Variants in RASEF observed in about 807,000 individuals in gnomAD.
RASEF encodes the protein ras and EF-hand domain-containing protein.
Under a neutral mutation model 90.1 loss-of-function variants are expected in RASEF, and 68 were observed. The ratio of observed to expected loss-of-function variants is 0.75; its 90% CI spans 0.62 to 0.92. The LOEUF (loss-of-function observed/expected upper bound fraction) is 0.92, where lower values mean the gene tolerates loss of function less well. Ranked by LOEUF, RASEF falls within the 40% of genes least tolerant of loss-of-function variation. RASEF has a pLI of 0.00. For synonymous variants in RASEF, 331 were observed against 345.2 expected (o/e 0.96, Z 0.46); for missense variants, 949 against 937.2 (o/e 1.01, Z -0.16).
the RASEF span, among the ~76,000 whole-genome samples, chr9:83,126,658 C>T: frequency 3.9e-5 from 6 of 152,188 alleles, no homozygotes; most frequent in African/African-American, 7.2e-5. Flanking sequence ...CCTGGGAGGA[C>T]TCTCAGTAGC....
At chr9:83,108,386 G>T in the RASEF span, among the ~76,000 whole-genome samples, 2 of 152,124 alleles carry the variant, frequency 1.3e-5, no homozygotes, top group Non-Finnish European at 2.9e-5. Flanking sequence ...TGTAAATAAA[G>T]TTGTATTGGA....
chr9:83,207,347 G>C, the RASEF span, among the ~76,000 whole-genome samples: 1 of 152,150 alleles, frequency 6.6e-6, no homozygotes, highest in African/African-American at 2.4e-5. Context: ...TTGGGTCTCC[G>C]CTCAGGGTGT....
intron 1 of RASEF, among the ~76,000 whole-genome samples, chr9:83,038,077 A>G (rs1053808734): frequency 6.6e-6 from 1 of 152,106 alleles, no homozygotes; most frequent in Non-Finnish European, 1.5e-5. Context: ...GATGGAATTG[A>G]GAAGTCCTAT....
the RASEF span, among the ~76,000 whole-genome samples, chr9:83,084,764 C>T: frequency 3.9e-3 from 601 of 152,188 alleles, 4 homozygotes; most frequent in African/African-American, 0.013. Flanking sequence ...TTCATCTTCA[C>T]GTATGTATGA....
At chr9:83,037,037 G>A (rs937740500) in intron 1 of RASEF, among the ~76,000 whole-genome samples, 4 of 152,030 alleles carry the variant, frequency 2.6e-5, no homozygotes, top group Non-Finnish European at 2.9e-5. Context: ...AAGAGCAACA[G>A]GAACTATGTC....
the RASEF span, among the ~76,000 whole-genome samples, chr9:83,186,790 A>T: frequency 2.2e-4 from 33 of 152,290 alleles, no homozygotes; most frequent in African/African-American, 7.5e-4. Context: ...AAGGAAAAAC[A>T]ATCTTTAAAT....
At chr9:83,169,350 TACACACACACACACAC>T in the RASEF span, among the ~76,000 whole-genome samples, 10,490 of 146,078 alleles carry the variant, frequency 0.072, 562 homozygotes, top group Non-Finnish European at 0.1. Context: ...CTGATTTCCA[TACACACACACACACAC>T]ACACACACAC....
chr9:83,116,038 T>C, the RASEF span, among the ~76,000 whole-genome samples: 2 of 152,162 alleles, frequency 1.3e-5, no homozygotes, highest in Non-Finnish European at 2.9e-5. Flanking sequence ...CCAAAGTTAA[T>C]GTAGTGGAGA....
At chr9:83,025,699 T>C (rs1435575542) in intron 2 of RASEF, 76 bp downstream of exon 2, 1 of 1,429,392 alleles carries the variant, frequency 7.0e-7, no homozygotes, top group East Asian at 2.3e-5. Context: ...ACAATGCAGT[T>C]CAGTCCATTT....
chr9:83,098,170 C>T, the RASEF span, among the ~76,000 whole-genome samples: 3 of 152,154 alleles, frequency 2.0e-5, no homozygotes, highest in Admixed American at 1.3e-4. Context: ...TTAATACAAT[C>T]AGCAACTAAG....
intron 1 of RASEF, among the ~76,000 whole-genome samples, chr9:83,047,400 A>G (rs1284423080): frequency 1.3e-5 from 2 of 152,224 alleles, no homozygotes; most frequent in Non-Finnish European, 2.9e-5. Context: ...CCAACAATGA[A>G]AGAAAACAAT....
At chr9:83,202,193 T>C in the RASEF span, 1 of 152,494 alleles carries the variant, frequency 6.6e-6, no homozygotes, top group Non-Finnish European at 1.5e-5. Context: ...CAAAGCCTTA[T>C]TAACTATTAT....
At chr9:83,169,584 T>A in the RASEF span, among the ~76,000 whole-genome samples, 1 of 151,724 alleles carries the variant, frequency 6.6e-6, no homozygotes, top group Non-Finnish European at 1.5e-5. Flanking sequence ...TTTGTTTTGT[T>A]TGTTTGTTTG....
chr9:82,992,102 T>C (rs1828826969), intron 15 of RASEF, among the ~76,000 whole-genome samples: 1 of 152,258 alleles, frequency 6.6e-6, no homozygotes, highest in Non-Finnish European at 1.5e-5. Flanking sequence ...TTATTCCAGC[T>C]TAAAATATTA....
chr9:83,190,185 A>T, the RASEF span, among the ~76,000 whole-genome samples: 9 of 152,250 alleles, frequency 5.9e-5, no homozygotes, highest in African/African-American at 2.2e-4. Flanking sequence ...GGATTCAAGA[A>T]GCCAGAAACG....
chr9:83,176,329 A>T, the RASEF span, among the ~76,000 whole-genome samples: 15 of 152,162 alleles, frequency 9.9e-5, 1 homozygote, highest in Admixed American at 9.2e-4. Context: ...TTGTGATTAT[A>T]GTTTACATGA....
intron 15 of RASEF, among the ~76,000 whole-genome samples, chr9:82,991,786 G>A (rs574927401): frequency 3.9e-5 from 6 of 152,290 alleles, no homozygotes; most frequent in East Asian, 3.9e-4. Flanking sequence ...GGAACTCTGC[G>A]AAATCATGGA....
At chr9:83,165,908 A>G in the RASEF span, among the ~76,000 whole-genome samples, 1 of 152,220 alleles carries the variant, frequency 6.6e-6, no homozygotes, top group African/African-American at 2.4e-5. Context: ...TTGATAACCT[A>G]GATGAAATGG....
At chr9:83,017,400 T>G (rs1587498256) in intron 3 of RASEF, among the ~76,000 whole-genome samples, 1 of 150,756 alleles carries the variant, frequency 6.6e-6, no homozygotes, top group African/African-American at 2.4e-5. Flanking sequence ...CTCGGGAGGC[T>G]GAGGCAGGAG....
Sources: gnomAD v4.1 joint callset for allele counts (sites outside exome capture counted in the v4.1 genomes callset) on GRCh38, gnomAD v4.1.1 for gene constraint, MANE v1.5 for transcripts, NCBI Gene and HGNC (gene_info 2026-07-23, HGNC 2026-07-21) for gene names.